ATP11A: variants seen among roughly 807,000 people sequenced by gnomAD.
ATP11A encodes the protein ATPase phospholipid transporting 11A.
In ATP11A, 81 loss-of-function variants were observed where a neutral mutation model predicts 154.4. The ratio of observed to expected loss-of-function variants is 0.52; its 90% CI spans 0.44 to 0.63. ATP11A has a LOEUF of 0.63. Ranked by LOEUF, ATP11A falls within the 30% of genes least tolerant of loss-of-function variation. ATP11A has a pLI of 0.00. For missense variants in ATP11A, 1,316 were observed against 1,474.3 expected (o/e 0.89, Z 1.76); for synonymous variants, 623 against 585.9 (o/e 1.06, Z -0.91).
At chr13:112,772,215 AT>A (rs2077242739) in intron 1 of ATP11A, among the ~76,000 whole-genome samples, 1 of 152,206 alleles carries the variant, frequency 6.6e-6, no homozygotes, top group South Asian at 2.1e-4. Context: ...AGTGCTCTAT[AT>A]ACTATATATA....
At chr13:112,694,114 C>T (rs1885515185) in intron 1 of ATP11A, among the ~76,000 whole-genome samples, 1 of 152,222 alleles carries the variant, frequency 6.6e-6, no homozygotes, top group Admixed American at 6.5e-5. Flanking sequence ...ACTCTCTGGG[C>T]AGTGGCCTGA....
chr13:112,720,318 G>A (rs1016027823), intron 1 of ATP11A, among the ~76,000 whole-genome samples: 1 of 152,244 alleles, frequency 6.6e-6, no homozygotes, highest in Non-Finnish European at 1.5e-5. Flanking sequence ...AGGTGGAGTC[G>A]GAGATTCTTC....
chr13:112,734,996 A>G (rs1192449192), intron 1 of ATP11A, among the ~76,000 whole-genome samples: 6 of 152,244 alleles, frequency 3.9e-5, no homozygotes, highest in Non-Finnish European at 7.3e-5. Context: ...GATTTGAAGT[A>G]GCTGACACAA....
chr13:112,806,455 G>A (rs938948203), intron 4 of ATP11A, among the ~76,000 whole-genome samples, 162 bp downstream of exon 4: 6 of 152,182 alleles, frequency 3.9e-5, no homozygotes, highest in East Asian at 1.9e-4. Context: ...TACTTGAAGC[G>A]AAATAAGAGA....
rs1885802355 is a variant in ATP11A at position 112,696,361 on chromosome 13, C to G, written c.39+5906C>G. 1.3e-5 allele frequency among the ~76,000 whole-genome samples: 2 copies of G among 152,102 alleles called. No individual in the cohort carries two copies. Among genetic ancestry groups the G allele is most frequent in the Admixed American group, 1.3e-4 (2 of 15,282 alleles). ...AGTGGGTGACCTTGCCCTGCTCTCC[C>G]GGGGAGAGCGGTGGTCACTGGTGGG... On this transcript the variant is annotated intron_variant, in intron 1 of 29. Transcript: ENST00000375645. This position sits in a 1 kb window ranked among gnomAD's most constrained non-coding sequence, Gnocchi z 6.2.
In ATP11A at chr13:112,785,435, C is replaced by T. The variant is rs113854397; in HGVS notation, c.162+178C>T. On this transcript the variant is annotated intron_variant, in intron 2 of 29. Transcript: ENST00000375645. The surrounding 1 kb of genome is among the most constrained non-coding windows in gnomAD (Gnocchi z 4.8). The stretch of plus-strand genomic sequence containing the variant: ...ACCGAGGGCGCTACTCTCTCCCTCT[C>T]GGTGACTGCCCACAGGAGGCTTTCC... Among the ~76,000 whole-genome samples, 2 of 152,130 alleles carry T rather than the reference C, an allele frequency of 1.3e-5. No homozygotes were observed. The highest frequency in any genetic ancestry group is 4.8e-5 in the African/African-American group (2 of 41,522).
At chr13:112,847,591 C>A (rs757783096) in intron 17 of ATP11A, among the ~76,000 whole-genome samples, 1 of 152,232 alleles carries the variant, frequency 6.6e-6, no homozygotes, top group Non-Finnish European at 1.5e-5. Context: ...TATTTCTGGG[C>A]TCTCTGTTCC....
intron 1 of ATP11A, among the ~76,000 whole-genome samples, chr13:112,699,537 C>T (rs1886262079): frequency 6.6e-6 from 1 of 152,156 alleles, no homozygotes; most frequent in Non-Finnish European, 1.5e-5. Flanking sequence ...GGTTGGTGGT[C>T]CGTTGTGAAC....
chr13:112,758,726 A>G (rs1033399472), intron 1 of ATP11A, among the ~76,000 whole-genome samples: 1 of 152,194 alleles, frequency 6.6e-6, no homozygotes, highest in Non-Finnish European at 1.5e-5. Flanking sequence ...CCCAGCCTAC[A>G]TTTCTTAAAT....
At chr13:112,734,767 C>T (rs1443748793) in intron 1 of ATP11A, among the ~76,000 whole-genome samples, 2 of 152,212 alleles carry the variant, frequency 1.3e-5, no homozygotes, top group Non-Finnish European at 2.9e-5. Context: ...CACCTGCCCT[C>T]ATAGCCGCAC....
At chr13:112,877,054 G>A (rs190249737) in intron 28 of ATP11A, among the ~76,000 whole-genome samples, 311 of 152,320 alleles carry the variant, frequency 2.0e-3, no homozygotes, top group Non-Finnish European at 3.5e-3. Context: ...AAATCAGAGC[G>A]AGCAAAACTC....
At chr13:112,751,672 A>T (rs944617095) in intron 1 of ATP11A, among the ~76,000 whole-genome samples, 4 of 151,312 alleles carry the variant, frequency 2.6e-5, no homozygotes, top group African/African-American at 9.8e-5. Context: ...ACAAAACAAA[A>T]CAAAACAAAA....
At chr13:112,815,678 T>G (rs2078626682) in intron 5 of ATP11A, among the ~76,000 whole-genome samples, 1 of 152,240 alleles carries the variant, frequency 6.6e-6, no homozygotes, top group African/African-American at 2.4e-5. Context: ...TCCTCATGCT[T>G]TGATGATCTG....
rs2080902463 is a variant in ATP11A, at chr13:112,882,154, C to T, written c.*288C>T. On this transcript the variant is annotated 3_prime_UTR_variant, in exon 30 of 30. Transcript: ENST00000375645. This position sits in a 1 kb window ranked among gnomAD's most constrained non-coding sequence, Gnocchi z 5.1. ...GGGGGTCACAGGCCTTGCCCTCGAG[C>T]ATGGCACCCTGGCCGCCTGGACCCA... 1.4e-5 allele frequency: 18 copies of T among 1,301,936 alleles called. 1 individual carries two copies. The South Asian group carries it at 2.0e-4, about 15-fold the overall frequency. The allele number at this position is 1,301,936 out of a possible 1,614,324, so 80.6% of individuals were successfully genotyped here.
At chr13:112,774,965 G>T (rs2077311280) in intron 1 of ATP11A, among the ~76,000 whole-genome samples, 1 of 152,228 alleles carries the variant, frequency 6.6e-6, no homozygotes, top group African/African-American at 2.4e-5. Context: ...AGACCCTGGG[G>T]AATGGAGGCT....
intron 17 of ATP11A, among the ~76,000 whole-genome samples, chr13:112,845,894 G>A (rs76860903): frequency 0.019 from 2,823 of 151,698 alleles, 35 homozygotes; most frequent in Middle Eastern, 0.061. Context: ...CCGGGCACTC[G>A]CAGTGCTAGT....
chr13:112,704,141 C>T (rs1417884890), intron 1 of ATP11A, among the ~76,000 whole-genome samples: 2 of 152,250 alleles, frequency 1.3e-5, no homozygotes, highest in South Asian at 2.1e-4. Context: ...ACCACCCACA[C>T]GTCAGCCACC....
At chr13:112,825,044 C>T (rs1450410787) in intron 10 of ATP11A, among the ~76,000 whole-genome samples, 1 of 152,194 alleles carries the variant, frequency 6.6e-6, no homozygotes, top group African/African-American at 2.4e-5. Flanking sequence ...TTCCTTCCTT[C>T]CTCTACAGTG....
chr13:112,854,553 C>T lies in ATP11A; in HGVS notation c.2243+23C>T, dbSNP rs765072902. The T allele has an allele frequency of 1.3e-5, 21 of 1,592,316 alleles. 1 individual carries two copies. The Admixed American group carries it at 3.6e-4, about 27-fold the overall frequency. On this transcript the variant is annotated intron_variant, in intron 19 of 29. Transcript: ENST00000375645. ...CGGGTAGGCAGCGCGTCCCCGCCCC[C>T]ACCCCCACACTCCCGCAAAAGGGGC...
Sources: gnomAD v4.1 joint callset for allele counts (sites outside exome capture counted in the v4.1 genomes callset) on GRCh38, gnomAD v4.1.1 for gene constraint, Gnocchi (gnomAD v3.1) non-coding constraint, MANE v1.5 for transcripts, NCBI Gene and HGNC (gene_info 2026-07-23, HGNC 2026-07-21) for gene names.